Variants in ALAS1 observed in about 807,000 individuals in gnomAD.
ALAS1 encodes 5'-aminolevulinate synthase 1.
A neutral mutation model predicts 59.6 loss-of-function variants in ALAS1; 29 were observed. That is an observed-to-expected ratio of 0.49 (90% CI 0.36 to 0.66). The LOEUF (loss-of-function observed/expected upper bound fraction) is 0.66, where lower values mean the gene tolerates loss of function less well. Among genes scored for constraint, ALAS1 ranks in the 30% least tolerant of loss-of-function variants. The pLI, the probability that ALAS1 is intolerant of heterozygous loss-of-function variation, is 0.00. For synonymous variants in ALAS1, 299 were observed against 296.6 expected, an observed-to-expected ratio of 1.01 and a Z score of -0.08; for missense variants, 690 against 807.5, an observed-to-expected ratio of 0.85 and a Z score of 1.76.
intron 9 of ALAS1, 121 bp from the exon 10 acceptor site, chr3:52,211,162 C>G: frequency 8.8e-7 from 1 of 1,136,444 alleles, no homozygotes. Flanking sequence ...CCAATCAGTC[C>G]AGGAACAAAT....
At position 52,212,247 on chromosome 3, in the gene ALAS1, A is replaced by T; in HGVS notation, c.1600-11A>T. The T allele has an allele frequency of 6.2e-7, 1 of 1,611,900 alleles. No homozygotes were observed. Among genetic ancestry groups the T allele is most frequent in the Non-Finnish European group, 8.5e-7 (1 of 1,178,762 alleles). On this transcript the variant is annotated splice_polypyrimidine_tract_variant and intron_variant, in intron 10 of 11. Transcript: ENST00000484952. ...TGTTGTGACCTTACCTTCTGCTCTC[A>T]TTGAACTTAGGTTGCAGATGCTGCT...
chr3:52,211,381 C>T lies in ALAS1; in HGVS notation c.1429C>T (p.Leu477=). 1.9e-6 allele frequency: 3 copies of T among 1,614,238 alleles called. No individual in the cohort carries two copies. The highest frequency in any genetic ancestry group is 2.5e-6 in the Non-Finnish European group (3 of 1,180,038). The part of the protein sequence containing the change: ...YAAGFIFTTS[L]PPMLLAGALE... Reference sequence around the variant, plus strand: ...TGCTGGCTTCATCTTCACCACCTCTCTGCCACCCATGCTGCTGGCTGGAGC... The same window carrying T: ...TGCTGGCTTCATCTTCACCACCTCTTTGCCACCCATGCTGCTGGCTGGAGC... Residue 477 remains leucine (L), a synonymous_variant, in exon 10 of 12, where the codon CTG becomes TTG. Transcript: ENST00000484952.
chr3:52,198,571 G>T, intron 1 of ALAS1, 101 bp from the exon 2 acceptor site: 1 of 566,194 alleles, frequency 1.8e-6, no homozygotes, highest in Non-Finnish European at 3.1e-6. Context: ...TCTTTCTCCA[G>T]ACTCAACTCC....
chr3:52,212,168 T>G, intron 10 of ALAS1, 90 bp from the exon 11 acceptor site: 4 of 1,226,826 alleles, frequency 3.3e-6, no homozygotes, highest in Non-Finnish European at 3.5e-6. Flanking sequence ...GTCTTGAGCC[T>G]GAGCGTTGTG....
At chr3:52,204,074 TTAAATA>T in intron 5 of ALAS1, 62 bp downstream of exon 5, 1 of 1,515,752 alleles carries the variant, frequency 6.6e-7, no homozygotes. Flanking sequence ...GTACATTAGA[TTAAATA>T]TAAAATTGCA....
intron 8 of ALAS1, among the ~76,000 whole-genome samples, chr3:52,207,203 C>T (rs528869334): frequency 4.3e-4 from 65 of 152,176 alleles, no homozygotes; most frequent in African/African-American, 1.5e-3. Context: ...CAGGGTTTCA[C>T]CATGTTAGCT....
chr3:52,208,742 C>T (rs1699345575), intron 9 of ALAS1, among the ~76,000 whole-genome samples: 1 of 152,180 alleles, frequency 6.6e-6, no homozygotes, highest in African/African-American at 2.4e-5. Flanking sequence ...GGAGCCCTGC[C>T]ACCTCACTAG....
In ALAS1 at chr3:52,198,961, G is replaced by A. The variant is rs982559770; in HGVS notation, c.-33+113G>A. 4.8e-5 allele frequency: 45 copies of A among 946,670 alleles called. 1 individual carries two copies. The highest frequency in any genetic ancestry group is 6.7e-5 in the Non-Finnish European group (44 of 658,558). 58.6% of individuals were successfully genotyped at this position (946,670 alleles called of 1,614,324 possible). On this transcript the variant is annotated intron_variant, in intron 2 of 11. Coordinates refer to ENST00000484952, the MANE Select transcript of ALAS1 (RefSeq NM_000688.6). ...CCGCCCCCTTGATTATGTACTGTCA[G>A]TATTCATTTGGTGAAGTTGCTTTGC...
At chr3:52,213,345 G>A (rs1282490821) in intron 11 of ALAS1, among the ~76,000 whole-genome samples, 1 of 152,186 alleles carries the variant, frequency 6.6e-6, no homozygotes, top group African/African-American at 2.4e-5. Flanking sequence ...GAAATGCTGG[G>A]TTTAAACTGT....
intron 11 of ALAS1, among the ~76,000 whole-genome samples, chr3:52,213,140 T>C (rs2107285516): frequency 6.6e-6 from 1 of 152,314 alleles, no homozygotes; most frequent in South Asian, 2.1e-4. Flanking sequence ...ACCCCACACC[T>C]AATCGCCTCT....
chr3:52,210,427 C>A (rs1699381614), intron 9 of ALAS1, among the ~76,000 whole-genome samples: 1 of 152,134 alleles, frequency 6.6e-6, no homozygotes, highest in African/African-American at 2.4e-5. Context: ...ACCAGCTTGG[C>A]CATATGACTT....
At position 52,206,567 on chromosome 3, in the gene ALAS1, CT is replaced by C. The variant is rs1699295056; in HGVS notation, c.986-3del. 3 of 1,613,820 alleles carry C rather than the reference CT, an allele frequency of 1.9e-6. No homozygotes were observed. The Admixed American group carries it at 5.0e-5, about 27-fold the overall frequency. Reference sequence around the variant, plus strand: ...TGGCAATAAATAGCATTTTTGTTGTCTTAGGCTGTGAGATTTACTCTGATTC... The same window carrying C: ...TGGCAATAAATAGCATTTTTGTTGTCTAGGCTGTGAGATTTACTCTGATTC... On this transcript the variant is annotated splice_region_variant and splice_polypyrimidine_tract_variant and intron_variant, in intron 7 of 11. Coordinates refer to ENST00000484952, the MANE Select transcript of ALAS1 (RefSeq NM_000688.6).
chr3:52,199,412 G>C lies in ALAS1; in HGVS notation c.171G>C (p.Gln57His), dbSNP rs1260396539. Residue 57 changes from glutamine (Q) to histidine (H), a missense_variant, in exon 3 of 12, where the codon CAG becomes CAC. Gln to His is a conservative substitution (Grantham distance 24). Transcript: ENST00000484952. Reference protein sequence around the residue: ...ALSTAAVHYQQIKETPPASEK... With the variant: ...ALSTAAVHYQHIKETPPASEK... Reference sequence around the variant, plus strand: ...CCACTGCAGCAGTACACTACCAACAGATCAAAGAAACCCCTCCGGCCAGTG... The same window carrying C: ...CCACTGCAGCAGTACACTACCAACACATCAAAGAAACCCCTCCGGCCAGTG... 1.2e-6 allele frequency: 2 copies of C among 1,614,162 alleles called. No individual in the cohort carries two copies. Among genetic ancestry groups the C allele is most frequent in the Non-Finnish European group, 1.7e-6 (2 of 1,180,028 alleles).
At chr3:52,199,826 A>G (rs1699151953) in intron 3 of ALAS1, among the ~76,000 whole-genome samples, 1 of 152,074 alleles carries the variant, frequency 6.6e-6, no homozygotes, top group Admixed American at 6.6e-5. Flanking sequence ...TTATTTATTT[A>G]ATTTTTCTTT....
At chr3:52,198,607 C>A in intron 1 of ALAS1, 65 bp from the exon 2 acceptor site, 1 of 601,152 alleles carries the variant, frequency 1.7e-6, no homozygotes, top group South Asian at 2.0e-5. Flanking sequence ...CCCTGCGCGT[C>A]CCCAGTGAGG....
In ALAS1 at chr3:52,211,347, G is replaced by C. The variant is rs771754612; in HGVS notation, c.1395G>C (p.Arg465=). ...CGAGTTCTCTGATTGACACCGTACG[G>C]TCCTATGCTGCTGGCTTCATCTTCA... ...ASTSSLIDTV[R]SYAAGFIFTT... The change falls in exon 10 of 12, where the codon CGG becomes CGC. Residue 465 remains arginine (R), a synonymous_variant. Transcript: ENST00000484952. The C allele has an allele frequency of 2.0e-5, 33 of 1,614,090 alleles. No homozygotes were observed. Among genetic ancestry groups the C allele is most frequent in the Admixed American group, 8.3e-5 (5 of 60,002 alleles).
chr3:52,212,304 G>A lies in ALAS1; in HGVS notation c.1646G>A (p.Ser549Asn). Residue 549 changes from serine (S) to asparagine (N), a missense_variant, in exon 11 of 12, where the codon AGC becomes AAC. By Grantham distance (46) the Ser-to-Asn change is conservative. Coordinates refer to ENST00000484952, the MANE Select transcript of ALAS1 (RefSeq NM_000688.6). ...ACAGAAGTCTGTGATGAACTAATGAGCAGACATAACATCTACGTGCAAGCA... is the reference window on the plus strand; with the variant it reads ...ACAGAAGTCTGTGATGAACTAATGAACAGACATAACATCTACGTGCAAGCA... ...KNTEVCDELM[S>N]RHNIYVQAIN... 2 of 1,614,116 alleles carry A rather than the reference G, an allele frequency of 1.2e-6. No individual in the cohort carries two copies. The highest frequency in any genetic ancestry group is 1.3e-5 in the African/African-American group (1 of 75,028).
chr3:52,200,879 GT>G (rs145803672), intron 3 of ALAS1, among the ~76,000 whole-genome samples: 2,637 of 150,062 alleles, frequency 0.018, 68 homozygotes, highest in African/African-American at 0.059. Flanking sequence ...AAGAAAATAA[GT>G]TTTTTTTTTC....
chr3:52,206,741 T>C lies in ALAS1; in HGVS notation c.1155T>C (p.His385=). 1 of 1,614,160 alleles carries C rather than the reference T, an allele frequency of 6.2e-7. No homozygotes were observed. Residue 385 remains histidine (H), a synonymous_variant, in exon 8 of 12, where the codon CAT becomes CAC. Coordinates refer to ENST00000484952, the MANE Select transcript of ALAS1 (RefSeq NM_000688.6). ...VPKIVAFETV[H]SMDGAVCPLE... ...AGATTGTGGCATTTGAAACTGTCCATTCAATGGATGGTAAGTGTGGATAGA... is the reference window on the plus strand; with the variant it reads ...AGATTGTGGCATTTGAAACTGTCCACTCAATGGATGGTAAGTGTGGATAGA...
Sources: allele counts gnomAD v4.1 joint callset (sites outside exome capture counted in the v4.1 genomes callset), GRCh38; gene constraint gnomAD v4.1.1; transcripts MANE v1.5; gene names NCBI Gene and HGNC (gene_info 2026-07-23, HGNC 2026-07-21).